The following SEMA3D variants were observed in gnomAD, a reference collection of about 807,000 sequenced individuals.
The protein encoded by SEMA3D is semaphorin 3D, also known as semaphorin-3D.
In SEMA3D, 84 loss-of-function variants were observed where a neutral mutation model predicts 100.1. The observed-to-expected ratio is 0.84, with a 90% CI of 0.70 to 1.01. The LOEUF (loss-of-function observed/expected upper bound fraction) is 1.01, where lower values mean the gene tolerates loss of function less well. Ranked by LOEUF, SEMA3D falls within the 50% of genes least tolerant of loss-of-function variation. SEMA3D has a pLI of 0.00. For missense variants in SEMA3D, 875 were observed against 934.1 expected (o/e 0.94, Z 0.82); for synonymous variants, 312 against 320.7 (o/e 0.97, Z 0.29).
chr7:85,013,116 T>C (rs537447232), intron 16 of SEMA3D, among the ~76,000 whole-genome samples: 28 of 151,870 alleles, frequency 1.8e-4, no homozygotes, highest in African/African-American at 6.3e-4. Context: ...TCACAAATTA[T>C]TCAACAAAAA....
chr7:85,099,568 G>A (rs889313399), intron 3 of SEMA3D, among the ~76,000 whole-genome samples: 3 of 151,924 alleles, frequency 2.0e-5, no homozygotes, highest in African/African-American at 7.2e-5. Flanking sequence ...GAGCATGACT[G>A]TTGGGTCTTC....
chr7:85,227,215 A>C, the SEMA3D span, among the ~76,000 whole-genome samples: 1 of 152,216 alleles, frequency 6.6e-6, no homozygotes, highest in African/African-American at 2.4e-5. Context: ...CATAATAAAA[A>C]TATTCACATC....
At chr7:85,193,959 C>T in the SEMA3D span, among the ~76,000 whole-genome samples, 2 of 151,070 alleles carry the variant, frequency 1.3e-5, no homozygotes. Context: ...AATTATCAGA[C>T]TAGGTACTTT....
chr7:85,197,726 A>T, the SEMA3D span, among the ~76,000 whole-genome samples: 1 of 152,166 alleles, frequency 6.6e-6, no homozygotes, highest in Non-Finnish European at 1.5e-5. Context: ...GGCAGTATAG[A>T]TTAAAAACTA....
At chr7:85,201,579 C>A in the SEMA3D span, among the ~76,000 whole-genome samples, 1 of 152,014 alleles carries the variant, frequency 6.6e-6, no homozygotes, top group Non-Finnish European at 1.5e-5. Flanking sequence ...AGCTCTAGAT[C>A]TCAGTTAAGA....
intron 18 of SEMA3D, among the ~76,000 whole-genome samples, chr7:85,001,935 T>C (rs1789667282): frequency 6.6e-6 from 1 of 152,190 alleles, no homozygotes; most frequent in African/African-American, 2.4e-5. Flanking sequence ...CTCTTGCTTA[T>C]GTTTAAATTA....
chr7:85,193,601 A>G, the SEMA3D span, among the ~76,000 whole-genome samples: 1 of 152,108 alleles, frequency 6.6e-6, no homozygotes, highest in African/African-American at 2.4e-5. Context: ...TTGCAAGTAG[A>G]AAATATTCAA....
In SEMA3D at chr7:85,102,974, T is replaced by C. The variant is rs28704058; in HGVS notation, c.152-5009A>G. On this transcript the variant is annotated intron_variant, in intron 3 of 18. Transcript: ENST00000284136. Reference sequence around the variant, plus strand: ...ATGATTTAACATTGCCCTGTGACAATGCTAGCAGCAAAACGATTAAACATC... The same window carrying C: ...ATGATTTAACATTGCCCTGTGACAACGCTAGCAGCAAAACGATTAAACATC... 1.5e-3 allele frequency among the ~76,000 whole-genome samples: 221 copies of C among 152,178 alleles called. 1 individual carries two copies. Among genetic ancestry groups the C allele is most frequent in the African/African-American group, 5.1e-3 (212 of 41,562 alleles).
intron 2 of SEMA3D, chr7:85,140,291 A>G: frequency 1.0e-6 from 1 of 980,286 alleles, no homozygotes; most frequent in Non-Finnish European, 1.2e-6. Flanking sequence ...TCAAATATGC[A>G]AAACTTTGAT....
intron 2 of SEMA3D, among the ~76,000 whole-genome samples, chr7:85,150,002 C>A (rs1790321694): frequency 6.6e-6 from 1 of 151,964 alleles, no homozygotes; most frequent in Non-Finnish European, 1.5e-5. Flanking sequence ...AAGCAAGTAT[C>A]CCCAAAAGTC....
At chr7:85,225,639 G>A in the SEMA3D span, among the ~76,000 whole-genome samples, 12 of 152,074 alleles carry the variant, frequency 7.9e-5, no homozygotes, top group Non-Finnish European at 1.0e-4. Flanking sequence ...AAATTGTGAT[G>A]AGCCACCTAC....
intron 2 of SEMA3D, among the ~76,000 whole-genome samples, chr7:85,123,981 A>G (rs762565519): frequency 3.3e-5 from 5 of 152,072 alleles, no homozygotes; most frequent in African/African-American, 4.8e-5. Context: ...GCAGCCCTTT[A>G]TGAAAATTTT....
intron 17 of SEMA3D, among the ~76,000 whole-genome samples, chr7:85,007,532 C>T (rs1789834380): frequency 6.6e-6 from 1 of 151,514 alleles, no homozygotes; most frequent in Non-Finnish European, 1.5e-5. Context: ...CTTTTTTATA[C>T]TGAGGGATTT....
chr7:85,016,970 T>G (rs900739207), intron 15 of SEMA3D, among the ~76,000 whole-genome samples: 1 of 151,626 alleles, frequency 6.6e-6, no homozygotes, highest in African/African-American at 2.4e-5. Flanking sequence ...GGAGGATATA[T>G]AAAGATATAT....
At chr7:85,241,288 AT>A in the SEMA3D span, among the ~76,000 whole-genome samples, 1 of 151,780 alleles carries the variant, frequency 6.6e-6, no homozygotes, top group Non-Finnish European at 1.5e-5. Context: ...TAGAACTACC[AT>A]TTGATCCAGC....
At chr7:85,009,797 T>A (rs2115767661) in intron 17 of SEMA3D, among the ~76,000 whole-genome samples, 1 of 151,886 alleles carries the variant, frequency 6.6e-6, no homozygotes, top group South Asian at 2.1e-4. Context: ...CTGAATATCC[T>A]TCCATTTACC....
At chr7:85,000,053 C>T (rs1374317356) in intron 18 of SEMA3D, among the ~76,000 whole-genome samples, 188 bp from the exon 19 acceptor site, 1 of 152,050 alleles carries the variant, frequency 6.6e-6, no homozygotes, top group Non-Finnish European at 1.5e-5. Context: ...AAAGTAATAG[C>T]CCCCAAACTA....
chr7:85,128,713 T>C (rs1562828961), intron 2 of SEMA3D, among the ~76,000 whole-genome samples: 1 of 151,684 alleles, frequency 6.6e-6, no homozygotes, highest in East Asian at 1.9e-4. Context: ...TGTGAATAAA[T>C]GGATTTGAAT....
chr7:85,159,953 C>T, intron 1 of SEMA3D: 1 of 984,886 alleles, frequency 1.0e-6, no homozygotes, highest in Non-Finnish European at 1.2e-6. Context: ...AAACACAAGC[C>T]ATAAGTTCTA....
Sources: allele counts gnomAD v4.1 joint callset (sites outside exome capture counted in the v4.1 genomes callset), GRCh38; gene constraint gnomAD v4.1.1; transcripts MANE v1.5; gene names NCBI Gene and HGNC (gene_info 2026-07-23, HGNC 2026-07-21).